The following UBE2D4 variants were observed in gnomAD, a reference collection of about 807,000 sequenced individuals.
UBE2D4 encodes ubiquitin-conjugating enzyme E2 D4.
Under a neutral mutation model 23.0 loss-of-function variants are expected in UBE2D4, and 17 were observed. The observed-to-expected ratio is 0.74, with a 90% confidence interval of 0.51 to 1.11. The LOEUF (loss-of-function observed/expected upper bound fraction) is 1.11. UBE2D4 is among the 50% of genes least tolerant of loss of function. UBE2D4 has a pLI of 0.00. For missense variants in UBE2D4, 139 were observed against 181.8 expected (o/e 0.76, Z 1.35); for synonymous variants, 61 against 69.4 (o/e 0.88, Z 0.60).
chr7:43,934,301 T>C (rs1244684941), intron 1 of UBE2D4, among the ~76,000 whole-genome samples: 2 of 152,110 alleles, frequency 1.3e-5, no homozygotes, highest in Non-Finnish European at 2.9e-5. Context: ...GGAAGAGTAG[T>C]AGAGGACTCT....
chr7:43,929,802 G>C (rs7802578), intron 1 of UBE2D4, among the ~76,000 whole-genome samples: 2,373 of 152,314 alleles, frequency 0.016, 50 homozygotes, highest in Middle Eastern at 0.13. Context: ...TGCAAATTCT[G>C]TAGCAATTCC....
rs915291774 is a variant in UBE2D4, at chr7:43,926,469, G to C, written c.-64G>C. 1.1e-5 allele frequency: 15 copies of C among 1,401,714 alleles called. No individual in the cohort carries two copies. The Admixed American group carries it at 1.2e-4, about 11-fold the overall frequency. The allele number at this position is 1,401,714 out of a possible 1,614,324, so 86.8% of individuals were successfully genotyped here. A position where few individuals can be genotyped will look rare whatever the true frequency, so the allele number is the denominator to read the frequency against. Reference sequence around the variant, plus strand: ...CGGCGTGCAGCTTGGTGGCGGCTGAGCCGGCAGCGGGCCGCCTCAGGCAGC... The same window carrying C: ...CGGCGTGCAGCTTGGTGGCGGCTGACCCGGCAGCGGGCCGCCTCAGGCAGC... On this transcript the variant is annotated 5_prime_UTR_variant, in exon 1 of 7. Transcript: ENST00000222402.
intron 1 of UBE2D4, among the ~76,000 whole-genome samples, chr7:43,932,328 A>C (rs2095947824): frequency 6.6e-6 from 1 of 152,158 alleles, no homozygotes; most frequent in South Asian, 2.1e-4. Flanking sequence ...ATCTTGTGAG[A>C]AGAGGATAAT....
In UBE2D4 at chr7:43,938,439, C is replaced by G. The variant is rs146582539; in HGVS notation, c.33C>G (p.Thr11=). 1.2e-6 allele frequency: 2 copies of G among 1,614,048 alleles called. No homozygotes were observed. The highest frequency in any genetic ancestry group is 1.7e-6 in the Non-Finnish European group (2 of 1,179,984). The change falls in exon 2 of 7, where the codon ACC becomes ACG. Residue 11 remains threonine, a synonymous_variant. Transcript: ENST00000222402. The stretch of plus-strand genomic sequence containing the variant: ...ACTCTCTCATGTTCTAGGAATTAAC[C>G]GACTTGCAGAGGGATCCTCCTGCCC... MALKRIQKEL[T]DLQRDPPAQC... is the part of the protein sequence containing the mutation.
At chr7:43,945,776 C>CTTT (rs11339851) in intron 4 of UBE2D4, among the ~76,000 whole-genome samples, 170 of 84,208 alleles carry the variant, frequency 2.0e-3, no homozygotes, top group Non-Finnish European at 2.4e-3. Flanking sequence ...GGCAAAATCC[C>CTTT]TTTTTTTTTT....
rs2096009349 is a variant in UBE2D4 at position 43,954,386 on chromosome 7, G to C, written c.*1691G>C. On this transcript the variant is annotated 3_prime_UTR_variant, in exon 7 of 7. Coordinates refer to ENST00000222402, the MANE Select transcript of UBE2D4 (RefSeq NM_015983.4). ...AGGTTCAAGCAATTCTCCTGCCTCA[G>C]CCTCCCAAGTAGCCGGAATTACAGG... 1 of 148,218 alleles carries C rather than the reference G, an allele frequency of 6.7e-6. No homozygotes were observed. Among genetic ancestry groups the C allele is most frequent in the South Asian group, 2.2e-4 (1 of 4,586 alleles). 9.2% of individuals were successfully genotyped at this position (148,218 alleles called of 1,614,324 possible). A position where few individuals can be genotyped will look rare whatever the true frequency, so the allele number is the denominator to read the frequency against.
intron 2 of UBE2D4, chr7:43,941,324 G>A (rs1228784429): frequency 6.6e-6 from 1 of 152,238 alleles, no homozygotes. Flanking sequence ...TGACTTGGGA[G>A]CCTTGAATGT....
intron 1 of UBE2D4, 87 bp downstream of exon 1, chr7:43,926,643 C>T (rs2095931440): frequency 1.4e-6 from 2 of 1,389,664 alleles, no homozygotes; most frequent in Non-Finnish European, 1.9e-6. Context: ...TGAAAGGTGA[C>T]GGAGGCTCCG....
Position 43,955,200 on chromosome 7 carries a change from A to G in UBE2D4, c.*2505A>G, listed in dbSNP as rs1330531893. Reference sequence around the variant, plus strand: ...TTTAAGAGCCACTGTGGTACAGTCAATGTAACCCACTTGTGCAGAAGCCAT... The same window carrying G: ...TTTAAGAGCCACTGTGGTACAGTCAGTGTAACCCACTTGTGCAGAAGCCAT... On this transcript the variant is annotated 3_prime_UTR_variant, in exon 7 of 7. Transcript: ENST00000222402. 1.3e-5 allele frequency: 2 copies of G among 152,160 alleles called. No homozygotes were observed. The highest frequency in any genetic ancestry group is 1.5e-5 in the Non-Finnish European group (1 of 68,030). The allele number at this position is 152,160 out of a possible 1,614,324, so 9.4% of individuals were successfully genotyped here. A position where few individuals can be genotyped will look rare whatever the true frequency, so the allele number is the denominator to read the frequency against.
At chr7:43,934,976 T>C (rs769822677) in intron 1 of UBE2D4, among the ~76,000 whole-genome samples, 1 of 152,092 alleles carries the variant, frequency 6.6e-6, no homozygotes, top group Admixed American at 6.5e-5. Context: ...AAAAAAAAAA[T>C]GTAACATAGC....
rs183165236 is a variant in UBE2D4, at chr7:43,945,942, C to A, written c.199-2690C>A. Among the ~76,000 whole-genome samples, 40 of 152,020 alleles carry A rather than the reference C, an allele frequency of 2.6e-4. 1 individual carries two copies. The highest frequency in any genetic ancestry group is 8.9e-4 in the African/African-American group (37 of 41,484). On this transcript the variant is annotated intron_variant, in intron 4 of 6. Transcript: ENST00000222402. The stretch of plus-strand genomic sequence containing the variant: ...GGATTACAGGCATGTGCCACATGCC[C>A]GGCTAATTTTTTTGTATTTTTAGTA...
Position 43,952,843 on chromosome 7 carries a change from C to T in UBE2D4, c.*148C>T. 3.0e-6 allele frequency: 2 copies of T among 659,376 alleles called. No individual in the cohort carries two copies. The highest frequency in any genetic ancestry group is 2.7e-6 in the Non-Finnish European group (1 of 366,594). The allele number at this position is 659,376 out of a possible 1,614,324, so 40.8% of individuals were successfully genotyped here. ...GGTCACCCACTCTCTCCAGCTGCAG[C>T]ATGTTGGTGCCATTTTCAGCAATTA... is the stretch of plus-strand genomic sequence containing the variant. On this transcript the variant is annotated 3_prime_UTR_variant, in exon 7 of 7. Transcript: ENST00000222402.
chr7:43,927,878 G>A, intron 1 of UBE2D4: 1 of 349,038 alleles, frequency 2.9e-6, no homozygotes, highest in South Asian at 2.1e-5. Flanking sequence ...GTTAGCTGCT[G>A]TTATTGTTCA....
intron 4 of UBE2D4, among the ~76,000 whole-genome samples, chr7:43,945,282 C>T (rs557985424): frequency 3.9e-5 from 6 of 152,256 alleles, no homozygotes; most frequent in Admixed American, 1.3e-4. Flanking sequence ...CGTGAGCCAC[C>T]GTGCCCAGCC....
At chr7:43,930,769 G>A (rs901922901) in intron 1 of UBE2D4, among the ~76,000 whole-genome samples, 5 of 152,130 alleles carry the variant, frequency 3.3e-5, no homozygotes, top group Non-Finnish European at 4.4e-5. Context: ...AGGGTTATAT[G>A]TGGCAGCATT....
At chr7:43,938,988 T>TCC (rs1422371700) in intron 2 of UBE2D4, among the ~76,000 whole-genome samples, 1 of 152,216 alleles carries the variant, frequency 6.6e-6, no homozygotes, top group Non-Finnish European at 1.5e-5. Context: ...CAGCTTATAC[T>TCC]CAAAGTAGAA....
At chr7:43,945,212 C>T (rs1210055085) in intron 4 of UBE2D4, among the ~76,000 whole-genome samples, 1 of 152,152 alleles carries the variant, frequency 6.6e-6, no homozygotes, top group African/African-American at 2.4e-5. Flanking sequence ...AGGCTGGTCT[C>T]AAACTCCTGA....
intron 6 of UBE2D4, 43 bp downstream of exon 6, chr7:43,950,735 A>G: frequency 1.3e-6 from 2 of 1,500,364 alleles, no homozygotes; most frequent in Non-Finnish European, 9.3e-7. Context: ...TGGCTGCCCC[A>G]GGCAGCTCCA....
intron 1 of UBE2D4, among the ~76,000 whole-genome samples, chr7:43,929,809 T>G (rs2079390): frequency 0.69 from 104,555 of 152,068 alleles, 35,971 homozygotes; most frequent in South Asian, 0.78. Flanking sequence ...TCTGTAGCAA[T>G]TCCTGGGGAA....
Sources: gnomAD v4.1 joint callset for allele counts (sites outside exome capture counted in the v4.1 genomes callset) on GRCh38, gnomAD v4.1.1 for gene constraint, MANE v1.5 for transcripts, NCBI Gene and HGNC (gene_info 2026-07-23, HGNC 2026-07-21) for gene names.